Variants in RANBP17 observed in about 807,000 individuals in gnomAD.
RANBP17 encodes the protein RAN binding protein 17, also known as ran-binding protein 17.
RANBP17 carries 158 observed loss-of-function variants against 141.2 expected under a neutral mutation model. The observed-to-expected ratio is 1.12, with a 90% confidence interval of 0.98 to 1.28. The LOEUF (loss-of-function observed/expected upper bound fraction) is 1.28, where lower values mean the gene tolerates loss of function less well. RANBP17 is among the 50% of genes most tolerant of loss of function. The pLI, the probability that RANBP17 is intolerant of heterozygous loss-of-function variation, is 0.00. For missense variants in RANBP17, 1,438 were observed against 1,290.7 expected (o/e 1.11, Z -1.75); for synonymous variants, 430 against 450.0 (o/e 0.96, Z 0.56).
At chr5:171,181,740 C>T (rs1261949171) in intron 16 of RANBP17, among the ~76,000 whole-genome samples, 1 of 152,112 alleles carries the variant, frequency 6.6e-6, no homozygotes, top group African/African-American at 2.4e-5. Context: ...TATTTCCTTA[C>T]CTGAAAAATA....
intron 12 of RANBP17, among the ~76,000 whole-genome samples, chr5:170,949,430 T>C (rs1338753892): frequency 6.6e-6 from 1 of 152,090 alleles, no homozygotes; most frequent in East Asian, 1.9e-4. Flanking sequence ...TGAATAGACA[T>C]TTCTCCAAAG....
At chr5:171,010,748 A>G (rs1185131534) in intron 14 of RANBP17, among the ~76,000 whole-genome samples, 1 of 152,186 alleles carries the variant, frequency 6.6e-6, no homozygotes, top group Non-Finnish European at 1.5e-5. Context: ...ATAGATGTTA[A>G]AAGGATTATT....
intron 25 of RANBP17, among the ~76,000 whole-genome samples, chr5:171,274,160 G>GCA (rs1561820638): frequency 7.1e-6 from 1 of 141,760 alleles, no homozygotes; most frequent in African/African-American, 2.5e-5. Context: ...GCGCGCGCGC[G>GCA]CGCGTGCGCA....
chr5:170,965,411 C>A (rs1156541848), intron 13 of RANBP17, among the ~76,000 whole-genome samples: 3 of 152,068 alleles, frequency 2.0e-5, no homozygotes, highest in Non-Finnish European at 2.9e-5. Flanking sequence ...AATTAGATCC[C>A]ATTTGTCAAT....
In RANBP17 at chr5:171,100,965, C is replaced by A. The variant is rs562147330; in HGVS notation, c.1711-69165C>A. ...TTTGATTGCACTGTGTTCAGAGAGA[C>A]CATTTGTTATGATTTCTGTTCTTTT... On this transcript the variant is annotated intron_variant, in intron 14 of 27. Coordinates refer to ENST00000523189, the MANE Select transcript of RANBP17 (RefSeq NM_022897.5). 3.3e-5 allele frequency among the ~76,000 whole-genome samples: 5 copies of A among 152,252 alleles called. No individual in the cohort carries two copies. The East Asian group carries it at 5.8e-4, about 18-fold the overall frequency.
intron 24 of RANBP17, among the ~76,000 whole-genome samples, chr5:171,244,254 G>A (rs1382385507): frequency 6.6e-6 from 1 of 151,628 alleles, no homozygotes; most frequent in African/African-American, 2.4e-5. Flanking sequence ...TTAGCCAGGT[G>A]TGGTGGTGTG....
intron 14 of RANBP17, among the ~76,000 whole-genome samples, chr5:171,153,130 CATTG>C (rs1422674965): frequency 1.3e-5 from 2 of 152,148 alleles, no homozygotes; most frequent in East Asian, 1.9e-4. Context: ...CCTATTTTCT[CATTG>C]ATTGATTGGA....
chr5:170,989,160 A>G (rs1163041035), intron 14 of RANBP17, among the ~76,000 whole-genome samples: 1 of 151,850 alleles, frequency 6.6e-6, no homozygotes, highest in East Asian at 1.9e-4. Context: ...CTCATACTAC[A>G]TACTTGGAAG....
intron 14 of RANBP17, among the ~76,000 whole-genome samples, chr5:171,090,908 T>C (rs1786209090): frequency 6.6e-6 from 1 of 152,222 alleles, no homozygotes; most frequent in Admixed American, 6.5e-5. Flanking sequence ...CGGAAACATC[T>C]GGATGCCCAG....
intron 14 of RANBP17, among the ~76,000 whole-genome samples, chr5:171,023,034 G>T (rs896661502): frequency 5.9e-5 from 9 of 152,188 alleles, no homozygotes; most frequent in Middle Eastern, 3.2e-3. Flanking sequence ...GGGCTCCCCT[G>T]CCCCATGTGG....
intron 14 of RANBP17, among the ~76,000 whole-genome samples, chr5:170,980,188 A>G (rs569202): frequency 0.97 from 148,474 of 152,296 alleles, 72,391 homozygotes; most frequent in East Asian, 1. Flanking sequence ...AAGCAGCAAA[A>G]CATTCAAGAG....
At chr5:171,270,794 C>T (rs192914995) in intron 25 of RANBP17, among the ~76,000 whole-genome samples, 76 of 152,184 alleles carry the variant, frequency 5.0e-4, no homozygotes, top group Admixed American at 1.4e-3. Context: ...AATCAGAATT[C>T]CAGTTAAAAC....
At chr5:171,237,338 A>C (rs1186537285) in intron 22 of RANBP17, among the ~76,000 whole-genome samples, 2 of 152,146 alleles carry the variant, frequency 1.3e-5, no homozygotes, top group Non-Finnish European at 2.9e-5. Context: ...ATCTGTGCTC[A>C]TTTCCTAGTT....
chr5:170,957,034 C>T (rs752175198), intron 13 of RANBP17, among the ~76,000 whole-genome samples: 31 of 151,124 alleles, frequency 2.1e-4, no homozygotes, highest in Non-Finnish European at 3.8e-4. Context: ...CGTGCCACTG[C>T]ACCCCAGCCT....
intron 14 of RANBP17, among the ~76,000 whole-genome samples, chr5:171,162,081 A>G (rs41494454): frequency 0.045 from 6,922 of 152,246 alleles, 205 homozygotes; most frequent in East Asian, 0.12. Flanking sequence ...AAAATCCTCT[A>G]CTAAAATTAA....
chr5:171,026,093 T>C (rs180759608), intron 14 of RANBP17, among the ~76,000 whole-genome samples: 48 of 152,328 alleles, frequency 3.2e-4, no homozygotes, highest in Non-Finnish European at 6.3e-4. Context: ...ATTATGTCTT[T>C]TAATTATCAC....
chr5:171,213,624 A>G lies in RANBP17; in HGVS notation c.2232-7A>G, dbSNP rs944901185. The G allele has an allele frequency of 9.3e-6, 15 of 1,606,428 alleles. No individual in the cohort carries two copies. The highest frequency in any genetic ancestry group is 1.2e-5 in the Non-Finnish European group (14 of 1,173,204). On this transcript the variant is annotated splice_region_variant and splice_polypyrimidine_tract_variant and intron_variant, in intron 20 of 27. Coordinates refer to ENST00000523189, the MANE Select transcript of RANBP17 (RefSeq NM_022897.5). ...ACCCTTAAATTCTTTAACAGGCTTT[A>G]TAAAAGGTACCCAACGTACCTTCCC...
chr5:171,004,522 G>T (rs1779443615), intron 14 of RANBP17, among the ~76,000 whole-genome samples: 1 of 152,138 alleles, frequency 6.6e-6, no homozygotes, highest in African/African-American at 2.4e-5. Flanking sequence ...TGAAAAGAAG[G>T]TAATGTGGAG....
intron 12 of RANBP17, among the ~76,000 whole-genome samples, chr5:170,947,666 G>C (rs1470956062): frequency 6.6e-6 from 1 of 152,084 alleles, no homozygotes; most frequent in Non-Finnish European, 1.5e-5. Flanking sequence ...TTGCCTGAAT[G>C]CTTCTTTACT....
Sources: allele counts gnomAD v4.1 joint callset (sites outside exome capture counted in the v4.1 genomes callset), GRCh38; gene constraint gnomAD v4.1.1; transcripts MANE v1.5; gene names NCBI Gene and HGNC (gene_info 2026-07-23, HGNC 2026-07-21).